The following EXOC4 variants were observed in gnomAD, a reference collection of about 807,000 sequenced individuals.
EXOC4 encodes exocyst complex component 4.
Under a neutral mutation model 107.2 loss-of-function variants are expected in EXOC4, and 71 were observed. The ratio of observed to expected loss-of-function variants is 0.66; its 90% confidence interval spans 0.55 to 0.81. EXOC4 has a LOEUF of 0.81. EXOC4 is among the 30% of genes least tolerant of loss of function. The pLI is 0.00. For missense variants in EXOC4, 1,108 were observed against 1,189.6 expected (o/e 0.93, Z 1.01); for synonymous variants, 456 against 441.2 (o/e 1.03, Z -0.42).
intron 7 of EXOC4, among the ~76,000 whole-genome samples, chr7:133,438,291 C>T (rs1192167643): frequency 6.6e-6 from 1 of 152,148 alleles, no homozygotes; most frequent in East Asian, 1.9e-4. Flanking sequence ...TCCCTTATCC[C>T]AGGGCTCCTC....
chr7:133,844,559 T>G (rs371595941), intron 11 of EXOC4, among the ~76,000 whole-genome samples: 4 of 151,884 alleles, frequency 2.6e-5, no homozygotes, highest in African/African-American at 9.7e-5. Context: ...CCAGCTAATT[T>G]TTGTATGTTT....
rs145963456 is a variant in EXOC4, at chr7:133,895,726, C to T, written c.1862C>T (p.Ala621Val). ...CAGGAGTACAAGGACACCTGCACTG[C>T]AGCTTACAGGTAGAGCTTCTGTTAG... Reference protein sequence around the residue: ...KLQEYKDTCTAAYRGIVQSEE... With the variant: ...KLQEYKDTCTVAYRGIVQSEE... The change falls in exon 12 of 18, where the codon GCA (alanine) becomes GTA (valine). Residue 621 changes from alanine (A) to valine (V), a missense_variant. Coordinates refer to ENST00000253861, the MANE Select transcript of EXOC4 (RefSeq NM_021807.4). The T allele has an allele frequency of 9.9e-6, 16 of 1,613,708 alleles. No homozygotes were observed. Among genetic ancestry groups the T allele is most frequent in the African/African-American group, 2.7e-5 (2 of 74,922 alleles).
Position 133,736,044 on chromosome 7 carries a change from G to A in EXOC4, c.1515-81281G>A, listed in dbSNP as rs149382905. Among the ~76,000 whole-genome samples, 494 of 151,872 alleles carry A rather than the reference G, an allele frequency of 3.3e-3. 4 individuals are homozygous for A. Among genetic ancestry groups the A allele is most frequent in the African/African-American group, 0.011 (448 of 41,392 alleles). On this transcript the variant is annotated intron_variant, in intron 10 of 17. Transcript: ENST00000253861. Reference sequence around the variant, plus strand: ...GCGGAGATTGCAGTGAGCCTGCATCGCACGACTACACTCCAGCCTGGGTGA... The same window carrying A: ...GCGGAGATTGCAGTGAGCCTGCATCACACGACTACACTCCAGCCTGGGTGA...
chr7:133,346,159 G>A (rs1010336340), intron 5 of EXOC4, among the ~76,000 whole-genome samples: 4 of 152,178 alleles, frequency 2.6e-5, no homozygotes, highest in African/African-American at 9.6e-5. Context: ...ATGAGTGGAG[G>A]CTGAGGATAC....
At chr7:134,067,623 T>C (rs1796201035), downstream of EXOC4, among the ~76,000 whole-genome samples, 1 of 92,002 alleles carries the variant, frequency 1.1e-5, no homozygotes, top group African/African-American at 5.8e-5. Flanking sequence ...AGGACCCAAC[T>C]CTTATATATA....
intron 17 of EXOC4, among the ~76,000 whole-genome samples, chr7:134,036,201 G>A (rs1209040920): frequency 1.3e-5 from 2 of 152,110 alleles, no homozygotes; most frequent in East Asian, 3.9e-4. Flanking sequence ...AGAAAAAAAG[G>A]CCACGGTGAC....
intron 9 of EXOC4, among the ~76,000 whole-genome samples, chr7:133,523,905 C>T (rs367794466): frequency 2.6e-5 from 4 of 151,772 alleles, no homozygotes; most frequent in Admixed American, 6.6e-5. Context: ...AATAAACATA[C>T]GTGTGCATGT....
chr7:133,311,833 AAATAT>A (rs1276600081), intron 4 of EXOC4, among the ~76,000 whole-genome samples: 1 of 152,206 alleles, frequency 6.6e-6, no homozygotes, highest in African/African-American at 2.4e-5. Flanking sequence ...AATGGCTAAT[AAATAT>A]AAGATTGTTC....
intron 10 of EXOC4, among the ~76,000 whole-genome samples, chr7:133,700,121 G>A (rs1420043622): frequency 6.6e-6 from 1 of 152,180 alleles, no homozygotes; most frequent in Non-Finnish European, 1.5e-5. Context: ...ATGGCCAGTG[G>A]AGGGGAAATG....
rs1554477961 is a variant in EXOC4 at position 133,604,706 on chromosome 7, C to CTTTTTTTTTTTTTTTTTTTTTTTTTT, written c.1418-25336_1418-25335insTTTTTTTTTTTTTTTTTTTTTTTTTT. On this transcript the variant is annotated intron_variant, in intron 9 of 17. Coordinates refer to ENST00000253861, the MANE Select transcript of EXOC4 (RefSeq NM_021807.4). ...TTTTTCTTTCCTTCCTTCCTTCCTT[C>CTTTTTTTTTTTTTTTTTTTTTTTTTT]TTTCTTTTTTTTTTTTTTTTTTTTT... is the stretch of plus-strand genomic sequence containing the variant. Among the ~76,000 whole-genome samples the CTTTTTTTTTTTTTTTTTTTTTTTTTT allele has an allele frequency of 7.1e-4, 62 of 87,548 alleles. 10 individuals are homozygous for CTTTTTTTTTTTTTTTTTTTTTTTTTT. Among genetic ancestry groups the CTTTTTTTTTTTTTTTTTTTTTTTTTT allele is most frequent in the Non-Finnish European group, 1.0e-3 (44 of 44,056 alleles). The allele number at this position is 87,548 out of a possible 152,430, so 57.4% of individuals were successfully genotyped here. A position where few individuals can be genotyped will look rare whatever the true frequency, so the allele number is the denominator to read the frequency against.
At chr7:133,544,996 ATG>A (rs908540181) in intron 9 of EXOC4, among the ~76,000 whole-genome samples, 2 of 151,918 alleles carry the variant, frequency 1.3e-5, no homozygotes, top group African/African-American at 4.8e-5. Flanking sequence ...TTAAAAGCAT[ATG>A]TGTGTGTACG....
chr7:133,778,444 G>A (rs182155309), intron 10 of EXOC4, among the ~76,000 whole-genome samples: 7 of 152,220 alleles, frequency 4.6e-5, no homozygotes, highest in African/African-American at 1.2e-4. Flanking sequence ...AAAATTAGCT[G>A]GGCTTGGCGT....
At chr7:134,014,382 G>A (rs1335140161) in intron 17 of EXOC4, among the ~76,000 whole-genome samples, 3 of 152,244 alleles carry the variant, frequency 2.0e-5, no homozygotes, top group East Asian at 1.9e-4. Flanking sequence ...CAGCCTGGGC[G>A]ACAGAGCGAG....
At chr7:133,716,245 A>T (rs1794995751) in intron 10 of EXOC4, among the ~76,000 whole-genome samples, 1 of 152,248 alleles carries the variant, frequency 6.6e-6, no homozygotes, top group Non-Finnish European at 1.5e-5. Context: ...CTGGGCATGT[A>T]GCAATGAAAA....
intron 4 of EXOC4, among the ~76,000 whole-genome samples, chr7:133,311,827 G>C (rs1036921000): frequency 5.3e-5 from 8 of 152,138 alleles, no homozygotes; most frequent in African/African-American, 1.7e-4. Flanking sequence ...AATACAAATG[G>C]CTAATAAATA....
intron 7 of EXOC4, among the ~76,000 whole-genome samples, chr7:133,390,352 G>A (rs921110513): frequency 3.9e-5 from 6 of 152,122 alleles, no homozygotes; most frequent in South Asian, 2.1e-4. Context: ...TTGCTTCTGC[G>A]GTTTTTCGTC....
chr7:134,050,244 A>G (rs1795753711), intron 17 of EXOC4, among the ~76,000 whole-genome samples: 1 of 152,170 alleles, frequency 6.6e-6, no homozygotes, highest in African/African-American at 2.4e-5. Context: ...CTTATTTTGT[A>G]CCATTATCTT....
At chr7:133,788,647 C>T (rs1342819843) in intron 10 of EXOC4, among the ~76,000 whole-genome samples, 2 of 152,126 alleles carry the variant, frequency 1.3e-5, no homozygotes, top group Non-Finnish European at 2.9e-5. Flanking sequence ...TGCCCGCCAC[C>T]ACGCCTGGCT....
intron 9 of EXOC4, among the ~76,000 whole-genome samples, chr7:133,573,496 A>G (rs1296529529): frequency 6.6e-6 from 1 of 152,166 alleles, no homozygotes; most frequent in Non-Finnish European, 1.5e-5. Context: ...TAGTTGAGGT[A>G]TCACCAGAGG....
Sources: allele counts gnomAD v4.1 joint callset (sites outside exome capture counted in the v4.1 genomes callset), GRCh38; gene constraint gnomAD v4.1.1; transcripts MANE v1.5; gene names NCBI Gene and HGNC (gene_info 2026-07-23, HGNC 2026-07-21).